ALKBH8: variants seen among roughly 807,000 people sequenced by gnomAD.
The protein encoded by ALKBH8 is alkB homolog 8, tRNA methyltransferase.
ALKBH8 carries 36 observed loss-of-function variants against 59.8 expected under a neutral mutation model. That is an observed-to-expected ratio of 0.60 (90% CI 0.46 to 0.79). The LOEUF is 0.79. Among genes scored for constraint, ALKBH8 ranks in the 30% least tolerant of loss-of-function variants. The pLI, the probability that ALKBH8 is intolerant of heterozygous loss-of-function variation, is 0.00. For synonymous variants in ALKBH8, 276 were observed against 273.6 expected (o/e 1.01, Z -0.09); for missense variants, 768 against 801.0 (o/e 0.96, Z 0.50).
In ALKBH8 at chr11:107,522,247, T is replaced by C. The variant is rs905850520; in HGVS notation, c.1287+52A>G. ...ATTATATCATGAGGAAGAAAGATGA[T>C]GATAACCACTGCAAATTAAGCAAAA... On this transcript the variant is annotated intron_variant, in intron 10 of 11. Transcript: ENST00000428149. The C allele has an allele frequency of 9.1e-6, 14 of 1,536,724 alleles. No individual in the cohort carries two copies. The Admixed American group carries it at 2.4e-4, about 26-fold the overall frequency.
chr11:107,511,091 G>T, intron 10 of ALKBH8, 55 bp from the exon 11 acceptor site: 1 of 1,510,308 alleles, frequency 6.6e-7, no homozygotes, highest in Admixed American at 2.0e-5. Flanking sequence ...ATGAAATTAA[G>T]AACTATGAAC....
rs1039323878 is a variant in ALKBH8 at position 107,534,464 on chromosome 11, C to T, written c.772-2058G>A. Among the ~76,000 whole-genome samples the T allele has an allele frequency of 2.6e-5, 4 of 152,254 alleles. 1 individual carries two copies. In the South Asian group the frequency reaches 8.3e-4, roughly 32 times the overall value. Reference sequence around the variant, plus strand: ...TGAAGAGAGACAAGCTCTATATCCACCTAGAAGTTACACTTTTTGGCTAAT... The same window carrying T: ...TGAAGAGAGACAAGCTCTATATCCATCTAGAAGTTACACTTTTTGGCTAAT... On this transcript the variant is annotated intron_variant, in intron 7 of 11. Transcript: ENST00000428149.
intron 9 of ALKBH8, 36 bp downstream of exon 9, chr11:107,525,405 C>G (rs1299327824): frequency 6.7e-7 from 1 of 1,496,082 alleles, no homozygotes; most frequent in South Asian, 1.3e-5. Context: ...ATTAAACTGA[C>G]TCCATTTTAC....
Position 107,505,234 on chromosome 11 carries a change from A to T in ALKBH8, c.1438-19T>A. 1 of 1,501,406 alleles carries T rather than the reference A, an allele frequency of 6.7e-7. No homozygotes were observed. The highest frequency in any genetic ancestry group is 8.9e-7 in the Non-Finnish European group (1 of 1,123,572). The allele number at this position is 1,501,406 out of a possible 1,614,324, so 93.0% of individuals were successfully genotyped here. The stretch of plus-strand genomic sequence containing the variant: ...TACGCTCCTAATGAAAAAAAACAAA[A>T]CACATGATCAACCTGGAAGAGACAG... On this transcript the variant is annotated intron_variant, in intron 11 of 11. Transcript: ENST00000428149.
intron 10 of ALKBH8, among the ~76,000 whole-genome samples, chr11:107,517,825 T>C (rs890996580): frequency 1.3e-5 from 2 of 152,174 alleles, no homozygotes; most frequent in African/African-American, 4.8e-5. Flanking sequence ...AGGAATAAAT[T>C]CCACAGATCT....
rs1281585485 is a variant in ALKBH8 at position 107,503,929 on chromosome 11, G to T, written c.*729C>A. 6 of 152,056 alleles carry T rather than the reference G, an allele frequency of 3.9e-5. No homozygotes were observed. The highest frequency in any genetic ancestry group is 7.4e-5 in the Non-Finnish European group (5 of 68,020). The allele number at this position is 152,056 out of a possible 1,614,324, so 9.4% of individuals were successfully genotyped here. On this transcript the variant is annotated 3_prime_UTR_variant, in exon 12 of 12. Transcript: ENST00000428149. Reference sequence around the variant, plus strand: ...TCGTCTCTCATTTTATGTTTTTCATGGCATTTATCACTATCTGGCACATAG... The same window carrying T: ...TCGTCTCTCATTTTATGTTTTTCATTGCATTTATCACTATCTGGCACATAG...
intron 11 of ALKBH8, among the ~76,000 whole-genome samples, chr11:107,510,241 C>T (rs2135471514): frequency 6.6e-6 from 1 of 152,132 alleles, no homozygotes; most frequent in East Asian, 1.9e-4. Flanking sequence ...AAAGCTATTG[C>T]ATAAATCAAG....
chr11:107,524,209 C>A (rs996923716), intron 9 of ALKBH8, among the ~76,000 whole-genome samples: 2 of 152,058 alleles, frequency 1.3e-5, no homozygotes, highest in African/African-American at 4.8e-5. Flanking sequence ...CAGGCACACA[C>A]CACCATGCCT....
intron 8 of ALKBH8, among the ~76,000 whole-genome samples, chr11:107,530,513 ATC>A (rs373443146): frequency 1.6e-4 from 24 of 147,570 alleles, no homozygotes; most frequent in Non-Finnish European, 2.2e-4. Flanking sequence ...ATCATTGGTT[ATC>A]TCTCTCTCTC....
rs12293126 is a variant in ALKBH8, at chr11:107,511,327, T to C, written c.1288-291A>G. On this transcript the variant is annotated intron_variant, in intron 10 of 11. Coordinates refer to ENST00000428149, the MANE Select transcript of ALKBH8 (RefSeq NM_138775.3). Reference sequence around the variant, plus strand: ...ATGGGAGGTCCAAATATACAGCTAATTGATGACCATTCTGAATCTGGATGT... The same window carrying C: ...ATGGGAGGTCCAAATATACAGCTAACTGATGACCATTCTGAATCTGGATGT... Among the ~76,000 whole-genome samples the C allele has an allele frequency of 7.8e-3, 1,193 of 152,222 alleles. 8 individuals are homozygous for C. Among genetic ancestry groups the C allele is most frequent in the African/African-American group, 0.026 (1,100 of 41,528 alleles).
intron 6 of ALKBH8, among the ~76,000 whole-genome samples, chr11:107,551,429 C>T (rs149794589): frequency 0.039 from 5,869 of 152,214 alleles, 154 homozygotes; most frequent in Non-Finnish European, 0.057. Context: ...CGCGGTGGCT[C>T]ATGCCTGTAA....
chr11:107,522,993 T>C (rs1340455648), intron 9 of ALKBH8, among the ~76,000 whole-genome samples: 1 of 150,436 alleles, frequency 6.6e-6, no homozygotes, highest in East Asian at 2.0e-4. Flanking sequence ...TCAGGTTCAA[T>C]CCCCTCTCGT....
intron 8 of ALKBH8, among the ~76,000 whole-genome samples, chr11:107,527,466 T>C (rs1591277263): frequency 6.6e-6 from 1 of 151,994 alleles, no homozygotes; most frequent in Non-Finnish European, 1.5e-5. Context: ...AAAAACATAA[T>C]GTATTTCAAT....
chr11:107,563,232 T>G (rs1184765712), intron 1 of ALKBH8, among the ~76,000 whole-genome samples: 1 of 152,224 alleles, frequency 6.6e-6, no homozygotes, highest in Non-Finnish European at 1.5e-5. Context: ...ATTGCATTAA[T>G]TATAATTATT....
chr11:107,542,020 A>T (rs1203777388), intron 7 of ALKBH8, among the ~76,000 whole-genome samples: 1 of 152,186 alleles, frequency 6.6e-6, no homozygotes, highest in African/African-American at 2.4e-5. Flanking sequence ...ATAAAGAATT[A>T]GTGACAGAAG....
intron 4 of ALKBH8, 117 bp from the exon 5 acceptor site, chr11:107,553,320 T>G (rs2135576579): frequency 3.4e-6 from 2 of 583,134 alleles, no homozygotes; most frequent in Middle Eastern, 4.3e-4. Context: ...TGTTAATTGG[T>G]AAATTATGGT....
chr11:107,547,654 A>T (rs1864320257), intron 7 of ALKBH8, among the ~76,000 whole-genome samples: 1 of 98,774 alleles, frequency 1.0e-5, no homozygotes, highest in Non-Finnish European at 2.4e-5. Context: ...ATAAACTTAA[A>T]ATTATAAGGG....
intron 8 of ALKBH8, among the ~76,000 whole-genome samples, chr11:107,527,166 G>A (rs1863390415): frequency 1.3e-5 from 2 of 151,798 alleles, no homozygotes; most frequent in African/African-American, 4.8e-5. Context: ...ACCACATTAA[G>A]TTTCCTAGGG....
intron 8 of ALKBH8, 91 bp from the exon 9 acceptor site, chr11:107,525,683 A>G (rs985537096): frequency 4.5e-6 from 4 of 890,408 alleles, no homozygotes; most frequent in Admixed American, 3.8e-5. Flanking sequence ...GAGAAAATCT[A>G]GAAGAATTTA....
Sources: gnomAD v4.1 joint callset for allele counts (sites outside exome capture counted in the v4.1 genomes callset) on GRCh38, gnomAD v4.1.1 for gene constraint, MANE v1.5 for transcripts, NCBI Gene and HGNC (gene_info 2026-07-23, HGNC 2026-07-21) for gene names.